Variants in MTMR12 observed in about 807,000 individuals in gnomAD.
MTMR12 encodes the protein myotubularin-related protein 12.
A neutral mutation model predicts 96.7 loss-of-function variants in MTMR12; 33 were observed. The observed-to-expected ratio is 0.34, with a 90% CI of 0.26 to 0.46. The LOEUF is 0.46. Among genes scored for constraint, MTMR12 ranks in the 20% least tolerant of loss-of-function variants. The pLI is 1.00. For missense variants in MTMR12, 721 were observed against 896.1 expected, an observed-to-expected ratio of 0.80 and a Z score of 2.49; for synonymous variants, 298 against 327.2, an observed-to-expected ratio of 0.91 and a Z score of 0.96.
intron 1 of MTMR12, among the ~76,000 whole-genome samples, chr5:32,280,191 G>T (rs1247207601): frequency 2.0e-5 from 3 of 152,174 alleles, no homozygotes; most frequent in African/African-American, 7.2e-5. Flanking sequence ...GTAGGGCCCT[G>T]CCAGAAAGAT....
chr5:32,229,902 G>A lies in MTMR12; in HGVS notation c.2120C>T (p.Pro707Leu). 6.2e-7 allele frequency: 1 copy of A among 1,613,392 alleles called. No homozygotes were observed. The highest frequency in any genetic ancestry group is 8.5e-7 in the Non-Finnish European group (1 of 1,179,548). ...RNSARLSSLFPFALLQRHSSK... is the reference protein window; with the variant it reads ...RNSARLSSLFLFALLQRHSSK... The stretch of plus-strand genomic sequence containing the variant: ...GGAATGTCGCTGGAGCAGAGCGAAA[G>A]GAAACAAAGACGAGAGGCGGGCAGA... Residue 707 changes from proline to leucine, a missense_variant, in exon 16 of 16, where the codon CCT becomes CTT. Coordinates refer to ENST00000382142, the MANE Select transcript of MTMR12 (RefSeq NM_001040446.3).
At position 32,227,427 on chromosome 5, in the gene MTMR12, A is replaced by ACCTT. The variant is rs1362275226; in HGVS notation, c.*2347_*2350dup. ...AAATATAAATACAAAAATTGTCATG[A>ACCTT]CCTTACACGTTACAACAGCTTATTT... On this transcript the variant is annotated 3_prime_UTR_variant, in exon 16 of 16. Coordinates refer to ENST00000382142, the MANE Select transcript of MTMR12 (RefSeq NM_001040446.3). 6 of 152,656 alleles carry ACCTT rather than the reference A, an allele frequency of 3.9e-5. No individual in the cohort carries two copies. The highest frequency in any genetic ancestry group is 2.9e-5 in the Non-Finnish European group (2 of 68,042). 9.5% of individuals were successfully genotyped at this position (152,656 alleles called of 1,614,324 possible). A position where few individuals can be genotyped will look rare whatever the true frequency, so the allele number is the denominator to read the frequency against.
At chr5:32,259,705 G>A (rs1749281639) in intron 7 of MTMR12, among the ~76,000 whole-genome samples, 1 of 152,134 alleles carries the variant, frequency 6.6e-6, no homozygotes, top group South Asian at 2.1e-4. Flanking sequence ...AAACTCACAA[G>A]GACACCTGAC....
intron 1 of MTMR12, among the ~76,000 whole-genome samples, chr5:32,282,577 C>A (rs1750344768): frequency 6.6e-6 from 1 of 151,834 alleles, no homozygotes; most frequent in Admixed American, 6.6e-5. Context: ...AGGTAAAAAA[C>A]AAATAACCAT....
intron 1 of MTMR12, among the ~76,000 whole-genome samples, chr5:32,286,517 C>T (rs1750544923): frequency 1.4e-5 from 2 of 148,126 alleles, no homozygotes; most frequent in African/African-American, 5.0e-5. Flanking sequence ...GAGACCCTGT[C>T]TCAAAAAAAA....
intron 1 of MTMR12, among the ~76,000 whole-genome samples, chr5:32,286,770 G>C (rs1037467498): frequency 6.6e-6 from 1 of 152,110 alleles, no homozygotes; most frequent in Non-Finnish European, 1.5e-5. Flanking sequence ...ACCTGACAAG[G>C]GTTTATCTGA....
rs865784535 is a variant in MTMR12, at chr5:32,271,984, C to G, written c.286-79G>C. ...TATAGGCAGAGTAAATCACCATTCTCTACTTGGATATTAAGAAAAATGGGG... is the reference window on the plus strand; with the variant it reads ...TATAGGCAGAGTAAATCACCATTCTGTACTTGGATATTAAGAAAAATGGGG... On this transcript the variant is annotated intron_variant, in intron 3 of 15. Coordinates refer to ENST00000382142, the MANE Select transcript of MTMR12 (RefSeq NM_001040446.3). 5 of 881,166 alleles carry G rather than the reference C, an allele frequency of 5.7e-6. No individual in the cohort carries two copies. In the South Asian group the frequency reaches 7.5e-5, roughly 13 times the overall value. 54.6% of individuals were successfully genotyped at this position (881,166 alleles called of 1,614,324 possible).
chr5:32,242,635 C>T (rs570178515), intron 11 of MTMR12, among the ~76,000 whole-genome samples: 1 of 151,828 alleles, frequency 6.6e-6, no homozygotes, highest in Non-Finnish European at 1.5e-5. Flanking sequence ...GCCTTCACAT[C>T]TGTTGTCTTC....
Position 32,289,390 on chromosome 5 carries a change from AGGG to A in MTMR12, c.82-12651_82-12649del, listed in dbSNP as rs575260419. Among the ~76,000 whole-genome samples the A allele has an allele frequency of 6.6e-5, 10 of 152,144 alleles. No individual in the cohort carries two copies. In the East Asian group the frequency reaches 1.9e-3, roughly 29 times the overall value. ...TACAGACCCAGAACCCCTTGAAGGAAGGGGAGGCCGGGTCCCCTTGAGGAAGGA... is the reference window on the plus strand; with the variant it reads ...TACAGACCCAGAACCCCTTGAAGGAAGAGGCCGGGTCCCCTTGAGGAAGGA... On this transcript the variant is annotated intron_variant, in intron 1 of 15. Transcript: ENST00000382142.
intron 1 of MTMR12, among the ~76,000 whole-genome samples, chr5:32,290,984 G>A (rs1289867591): frequency 3.9e-5 from 6 of 152,172 alleles, no homozygotes; most frequent in Admixed American, 2.6e-4. Context: ...ACAGTGGGTC[G>A]TGCACAGCAA....
At chr5:32,237,129 C>G (rs538516202) in intron 13 of MTMR12, among the ~76,000 whole-genome samples, 4 of 152,332 alleles carry the variant, frequency 2.6e-5, no homozygotes, top group African/African-American at 9.6e-5. Context: ...GTGCCCACAG[C>G]ATTCTGTGTC....
intron 3 of MTMR12, among the ~76,000 whole-genome samples, 162 bp from the exon 4 acceptor site, chr5:32,272,067 G>A (rs1303821604): frequency 5.3e-5 from 8 of 151,974 alleles, no homozygotes; most frequent in East Asian, 3.9e-4. Flanking sequence ...CGACGCGGGC[G>A]GATCACGAGG....
At chr5:32,289,850 T>C (rs1360167275) in intron 1 of MTMR12, among the ~76,000 whole-genome samples, 1 of 152,062 alleles carries the variant, frequency 6.6e-6, no homozygotes, top group Non-Finnish European at 1.5e-5. Context: ...CCTAGAAAAA[T>C]AGTAAATCGA....
Position 32,260,944 on chromosome 5 carries a change from G to A in MTMR12, c.713+2169C>T, listed in dbSNP as rs978628045. On this transcript the variant is annotated intron_variant, in intron 7 of 15. Coordinates refer to ENST00000382142, the MANE Select transcript of MTMR12 (RefSeq NM_001040446.3). Reference sequence around the variant, plus strand: ...GATTATACAGTCATGCTTTAAAAATGTAGGTCAGCCAGGCGCAGTGGCTCA... The same window carrying A: ...GATTATACAGTCATGCTTTAAAAATATAGGTCAGCCAGGCGCAGTGGCTCA... Among the ~76,000 whole-genome samples the A allele has an allele frequency of 2.6e-5, 4 of 151,732 alleles. No homozygotes were observed. The East Asian group carries it at 7.8e-4, about 30-fold the overall frequency.
At chr5:32,268,575 G>A (rs1445107048) in intron 6 of MTMR12, 126 bp downstream of exon 6, 6 of 653,746 alleles carry the variant, frequency 9.2e-6, no homozygotes, top group Non-Finnish European at 1.6e-5. Context: ...CAAGCAAGGG[G>A]TGACCAATTG....
At chr5:32,282,019 C>A (rs1209500091) in intron 1 of MTMR12, among the ~76,000 whole-genome samples, 1 of 151,994 alleles carries the variant, frequency 6.6e-6, no homozygotes, top group Non-Finnish European at 1.5e-5. Flanking sequence ...AAGGTGGTAA[C>A]AAATTGAGAA....
intron 13 of MTMR12, among the ~76,000 whole-genome samples, chr5:32,236,561 G>T (rs1211893425): frequency 1.3e-5 from 2 of 151,404 alleles, no homozygotes; most frequent in Non-Finnish European, 2.9e-5. Flanking sequence ...ACAAAACAAG[G>T]CCAGGCGCTG....
intron 1 of MTMR12, among the ~76,000 whole-genome samples, chr5:32,287,613 T>C (rs1216603374): frequency 2.0e-5 from 3 of 151,882 alleles, no homozygotes; most frequent in Non-Finnish European, 4.4e-5. Flanking sequence ...GTACCAGGAG[T>C]GGTTCTAGAG....
intron 2 of MTMR12, among the ~76,000 whole-genome samples, chr5:32,275,591 A>C (rs1322849442): frequency 1.3e-5 from 2 of 152,324 alleles, no homozygotes; most frequent in East Asian, 3.9e-4. Flanking sequence ...CAGAGTCTAG[A>C]AGCACAAGAG....
Sources: gnomAD v4.1 joint callset for allele counts (sites outside exome capture counted in the v4.1 genomes callset) on GRCh38, gnomAD v4.1.1 for gene constraint, MANE v1.5 for transcripts, NCBI Gene and HGNC (gene_info 2026-07-23, HGNC 2026-07-21) for gene names.